The following SAXO5 variants were observed in gnomAD, a reference collection of about 807,000 sequenced individuals.
The protein encoded by SAXO5 is testis expressed 45.
the SAXO5 span, chr19:7,498,902 G>A: frequency 6.5e-6 from 1 of 152,822 alleles, no homozygotes; most frequent in African/African-American, 2.4e-5. Flanking sequence ...GGGAGGCTTG[G>A]AGTCTGAAGC....
At chr19:7,508,258 CACAAT>C in the SAXO5 span, 4 of 1,614,092 alleles carry the variant, frequency 2.5e-6, no homozygotes, top group Non-Finnish European at 3.4e-6. Flanking sequence ...TTCTTCTCAA[CACAAT>C]ACAAGGACGA....
At chr19:7,504,527 G>A in the SAXO5 span, 2 of 747,960 alleles carry the variant, frequency 2.7e-6, no homozygotes, top group Non-Finnish European at 4.5e-6. Flanking sequence ...CCAATATGGT[G>A]AAACCCTGTC....
the SAXO5 span, chr19:7,506,479 A>C: frequency 2.4e-6 from 1 of 422,272 alleles, no homozygotes; most frequent in Non-Finnish European, 4.5e-6. Context: ...CCTTCTGGAC[A>C]CGGCCCTGCC....
chr19:7,498,161 ACACACACAT>A, the SAXO5 span, among the ~76,000 whole-genome samples: 1 of 100,516 alleles, frequency 9.9e-6, no homozygotes, highest in Non-Finnish European at 2.1e-5. Context: ...TAAAACACAC[ACACACACAT>A]ACACACACAC....
the SAXO5 span, chr19:7,500,749 CA>C: frequency 1.5e-6 from 2 of 1,335,514 alleles, no homozygotes; most frequent in Non-Finnish European, 1.9e-6. Flanking sequence ...AAGCAGGAGT[CA>C]AAGGCAAGTG....
chr19:7,498,393 C>CTTTTTTTTTT, the SAXO5 span, among the ~76,000 whole-genome samples: 2 of 115,358 alleles, frequency 1.7e-5, no homozygotes, highest in Admixed American at 1.0e-4. Context: ...GTATTTTTTT[C>CTTTTTTTTTT]TTTTTTTTTT....
the SAXO5 span, among the ~76,000 whole-genome samples, chr19:7,503,252 A>G: frequency 6.6e-6 from 1 of 151,980 alleles, no homozygotes; most frequent in Admixed American, 6.6e-5. Context: ...AATCCCAGCT[A>G]GCTACTTGGG....
At chr19:7,504,495 C>A in the SAXO5 span, 3 of 1,102,970 alleles carry the variant, frequency 2.7e-6, no homozygotes, top group South Asian at 2.6e-5. Flanking sequence ...ATCATGAGGT[C>A]AGGAGCTCGA....
chr19:7,501,369 C>T, the SAXO5 span: 1 of 1,513,196 alleles, frequency 6.6e-7, no homozygotes, highest in Non-Finnish European at 8.7e-7. Context: ...CGACGCGCGC[C>T]CGCAGCCTCG....
the SAXO5 span, chr19:7,508,290 C>T: frequency 1.9e-6 from 3 of 1,614,054 alleles, no homozygotes; most frequent in East Asian, 6.7e-5. Flanking sequence ...TTTCAAGTAC[C>T]AGGGCCCAGC....
At chr19:7,506,207 C>CCTG in the SAXO5 span, 1 of 1,452,682 alleles carries the variant, frequency 6.9e-7, no homozygotes, top group Non-Finnish European at 9.1e-7. Flanking sequence ...AGCCCCGCCC[C>CCTG]GGGAAGCCCC....
the SAXO5 span, chr19:7,506,265 C>A: frequency 9.6e-7 from 1 of 1,046,226 alleles, no homozygotes; most frequent in Non-Finnish European, 1.4e-6. Context: ...TGGAGCCCCG[C>A]CCCCACGGAG....
chr19:7,508,303 C>G, the SAXO5 span: 2 of 1,614,040 alleles, frequency 1.2e-6, no homozygotes, highest in South Asian at 2.2e-5. Context: ...GGCCCAGCAG[C>G]CCTGAGACTG....
At chr19:7,506,050 C>T in the SAXO5 span, 1 of 1,613,916 alleles carries the variant, frequency 6.2e-7, no homozygotes. Flanking sequence ...CAAAGCTACT[C>T]AAACGCTTCT....
the SAXO5 span, chr19:7,508,441 G>T: frequency 6.2e-7 from 1 of 1,602,408 alleles, no homozygotes; most frequent in Non-Finnish European, 8.5e-7. Flanking sequence ...ATGCCATCTT[G>T]GCAACATTCC....
chr19:7,504,743 C>CT, the SAXO5 span, among the ~76,000 whole-genome samples: 1 of 151,668 alleles, frequency 6.6e-6, no homozygotes, highest in Admixed American at 6.6e-5. Context: ...GGGGCACTGC[C>CT]TTCCCACCCA....
the SAXO5 span, among the ~76,000 whole-genome samples, chr19:7,501,857 GAA>G: frequency 5.8e-4 from 81 of 140,774 alleles, no homozygotes; most frequent in African/African-American, 2.0e-3. Flanking sequence ...AGAGAAAGAA[GAA>G]AGAGAGAGAG....
chr19:7,507,176 G>A, the SAXO5 span: 2 of 1,553,894 alleles, frequency 1.3e-6, no homozygotes, highest in African/African-American at 1.4e-5. Context: ...CCATCATTAG[G>A]CAACCCCCAC....
At chr19:7,502,969 G>A in the SAXO5 span, among the ~76,000 whole-genome samples, 1 of 152,130 alleles carries the variant, frequency 6.6e-6, no homozygotes, top group Non-Finnish European at 1.5e-5. Context: ...ACCCTGATTT[G>A]ACATTTAGTT....
Sources: allele counts gnomAD v4.1 joint callset (sites outside exome capture counted in the v4.1 genomes callset), GRCh38; gene constraint gnomAD v4.1.1; transcripts MANE v1.5; gene names NCBI Gene and HGNC (gene_info 2026-07-23, HGNC 2026-07-21).